SPPL3: variants seen among roughly 807,000 people sequenced by gnomAD.
SPPL3 encodes the protein signal peptide peptidase like 3.
Under a neutral mutation model 42.4 loss-of-function variants are expected in SPPL3, and 5 were observed. The observed-to-expected ratio is 0.12, with a 90% CI of 0.06 to 0.25. The LOEUF is 0.25. SPPL3 is among the 10% of genes least tolerant of loss of function. The pLI is 1.00. For synonymous variants in SPPL3, 195 were observed against 181.8 expected, an observed-to-expected ratio of 1.07 and a Z score of -0.58; for missense variants, 235 against 489.0, an observed-to-expected ratio of 0.48 and a Z score of 4.90.
At chr12:120,900,915 C>T (rs61946380) in intron 1 of SPPL3, among the ~76,000 whole-genome samples, 1 of 120,338 alleles carries the variant, frequency 8.3e-6, no homozygotes, top group South Asian at 2.7e-4. Flanking sequence ...GAGTGAGACC[C>T]TGTCTCACAA....
intron 1 of SPPL3, among the ~76,000 whole-genome samples, chr12:120,854,711 C>G (rs994443172): frequency 2.0e-5 from 3 of 152,118 alleles, no homozygotes; most frequent in Non-Finnish European, 4.4e-5. Flanking sequence ...AGCCTGAATG[C>G]CCCAAAGTCT....
chr12:120,766,160 A>G lies in SPPL3; in HGVS notation c.1083+103T>C, dbSNP rs553695970. On this transcript the variant is annotated intron_variant, in intron 10 of 10. Coordinates refer to ENST00000353487, the MANE Select transcript of SPPL3 (RefSeq NM_139015.5). The stretch of plus-strand genomic sequence containing the variant: ...CACACACAGTCGAGATCACAAGCTC[A>G]CTCAGGGGCTTAAGCAGAATCACCT... 174 of 892,670 alleles carry G rather than the reference A, an allele frequency of 1.9e-4. 2 individuals carry two copies. The East Asian group carries it at 4.8e-3, about 25-fold the overall frequency. The allele number at this position is 892,670 out of a possible 1,614,324, so 55.3% of individuals were successfully genotyped here.
chr12:120,886,559 T>C (rs1052067280), intron 1 of SPPL3, among the ~76,000 whole-genome samples: 5 of 152,208 alleles, frequency 3.3e-5, no homozygotes, highest in Non-Finnish European at 2.9e-5. Context: ...CTGAGAACTA[T>C]AGAATCTGGT....
intron 1 of SPPL3, among the ~76,000 whole-genome samples, chr12:120,841,428 T>TTATATA (rs3050430): frequency 3.3e-5 from 5 of 149,606 alleles, no homozygotes; most frequent in African/African-American, 1.2e-4. Flanking sequence ...AAAAAAATAG[T>TTATATA]TATATATATA....
intron 1 of SPPL3, among the ~76,000 whole-genome samples, chr12:120,883,611 T>G (rs1325647215): frequency 6.6e-6 from 1 of 152,136 alleles, no homozygotes; most frequent in Non-Finnish European, 1.5e-5. Flanking sequence ...ACTAAATATT[T>G]ATCAGAACAG....
At chr12:120,889,169 C>A (rs1264797498) in intron 1 of SPPL3, among the ~76,000 whole-genome samples, 1 of 152,096 alleles carries the variant, frequency 6.6e-6, no homozygotes, top group Non-Finnish European at 1.5e-5. Context: ...GAATGAAAAA[C>A]ACAATGCCAC....
intron 1 of SPPL3, among the ~76,000 whole-genome samples, chr12:120,876,941 C>A (rs1185755383): frequency 1.6e-4 from 24 of 151,468 alleles, no homozygotes; most frequent in Admixed American, 1.6e-3. Flanking sequence ...AAAAGCAATT[C>A]TTTGAAAAGA....
At chr12:120,832,682 A>C (rs1257208021) in intron 1 of SPPL3, among the ~76,000 whole-genome samples, 2 of 152,066 alleles carry the variant, frequency 1.3e-5, no homozygotes, top group African/African-American at 2.4e-5. Context: ...AAAAAAAGCT[A>C]TTTGGAAATG....
chr12:120,808,848 AAG>A (rs1200509669), intron 2 of SPPL3, among the ~76,000 whole-genome samples: 4 of 152,232 alleles, frequency 2.6e-5, no homozygotes. Context: ...GTTGAGTCTA[AAG>A]ATGGCTTCTT....
chr12:120,885,321 G>A (rs924115429), intron 1 of SPPL3, among the ~76,000 whole-genome samples: 4 of 152,068 alleles, frequency 2.6e-5, no homozygotes, highest in Non-Finnish European at 4.4e-5. Context: ...AATTGTGCAC[G>A]GGACCTACAA....
chr12:120,832,111 G>C (rs771480522), intron 1 of SPPL3, among the ~76,000 whole-genome samples: 1 of 151,998 alleles, frequency 6.6e-6, no homozygotes, highest in Non-Finnish European at 1.5e-5. Context: ...CTATGTGTGG[G>C]GTACTGTGCT....
chr12:120,820,018 C>G (rs1871006650), intron 1 of SPPL3, among the ~76,000 whole-genome samples: 1 of 152,092 alleles, frequency 6.6e-6, no homozygotes, highest in African/African-American at 2.4e-5. Flanking sequence ...ACCCTATGGA[C>G]CCCATGACAG....
At chr12:120,817,767 G>A (rs115042186) in intron 1 of SPPL3, among the ~76,000 whole-genome samples, 3,887 of 152,262 alleles carry the variant, frequency 0.026, 76 homozygotes, top group Middle Eastern at 0.051. Flanking sequence ...AGCACAGAGC[G>A]GTTTCAAAAA....
intron 3 of SPPL3, among the ~76,000 whole-genome samples, chr12:120,785,721 A>C (rs113001258): frequency 0.01 from 1,522 of 152,046 alleles, 21 homozygotes; most frequent in African/African-American, 0.035. Context: ...CTGTAATCCC[A>C]GCACTTTGAA....
chr12:120,850,009 A>C (rs1168454928), intron 1 of SPPL3, among the ~76,000 whole-genome samples: 1 of 152,162 alleles, frequency 6.6e-6, no homozygotes, highest in Non-Finnish European at 1.5e-5. Flanking sequence ...CAGCTGAGTC[A>C]CCCGGCCATG....
chr12:120,795,434 G>A (rs1350534386), intron 2 of SPPL3, among the ~76,000 whole-genome samples: 1 of 152,152 alleles, frequency 6.6e-6, no homozygotes, highest in Admixed American at 6.5e-5. Flanking sequence ...ATTCTTTCCG[G>A]TAGTGTATGG....
At chr12:120,857,263 AC>A (rs1201812823) in intron 1 of SPPL3, among the ~76,000 whole-genome samples, 2 of 152,174 alleles carry the variant, frequency 1.3e-5, no homozygotes, top group African/African-American at 4.8e-5. Flanking sequence ...GCAAATCAAA[AC>A]CACAATGTGA....
At chr12:120,860,739 T>C (rs1872596871) in intron 1 of SPPL3, among the ~76,000 whole-genome samples, 2 of 152,180 alleles carry the variant, frequency 1.3e-5, no homozygotes, top group Admixed American at 6.5e-5. Context: ...GGTACTTTGC[T>C]AGAAATAGTA....
chr12:120,824,349 G>A (rs1163327302), intron 1 of SPPL3, among the ~76,000 whole-genome samples: 1 of 151,856 alleles, frequency 6.6e-6, no homozygotes, highest in Non-Finnish European at 1.5e-5. Flanking sequence ...TGGTGGAAAC[G>A]TTAGCAAAAA....
Sources: gnomAD v4.1 joint callset for allele counts (sites outside exome capture counted in the v4.1 genomes callset) on GRCh38, gnomAD v4.1.1 for gene constraint, MANE v1.5 for transcripts, NCBI Gene and HGNC (gene_info 2026-07-23, HGNC 2026-07-21) for gene names.